SLC35F2: variants seen among roughly 807,000 people sequenced by gnomAD.
The protein encoded by SLC35F2 is solute carrier family 35 member F2.
Under a neutral mutation model 38.1 loss-of-function variants are expected in SLC35F2, and 25 were observed. That is an observed-to-expected ratio of 0.66 (90% CI 0.48 to 0.92). The LOEUF (loss-of-function observed/expected upper bound fraction) is 0.92. Among genes scored for constraint, SLC35F2 ranks in the 40% least tolerant of loss-of-function variants. SLC35F2 has a pLI of 0.00. For missense variants in SLC35F2, 409 were observed against 452.9 expected (o/e 0.90, Z 0.88); for synonymous variants, 173 against 181.7 (o/e 0.95, Z 0.38).
At chr11:107,847,171 T>C (rs2134854920) in intron 1 of SLC35F2, among the ~76,000 whole-genome samples, 1 of 152,232 alleles carries the variant, frequency 6.6e-6, no homozygotes, top group South Asian at 2.1e-4. Context: ...GCCTTCCAAG[T>C]AGCTAGGATT....
At chr11:107,807,666 G>A (rs528568336) in intron 3 of SLC35F2, among the ~76,000 whole-genome samples, 8 of 151,794 alleles carry the variant, frequency 5.3e-5, no homozygotes, top group South Asian at 4.1e-4. Flanking sequence ...TCTGCCTCTC[G>A]GGTTTAAGCA....
chr11:107,804,607 C>A lies in SLC35F2; in HGVS notation c.784+111G>T, dbSNP rs878944300. On this transcript the variant is annotated intron_variant, in intron 6 of 7. Coordinates refer to ENST00000525815, the MANE Select transcript of SLC35F2 (RefSeq NM_017515.5). Reference sequence around the variant, plus strand: ...ACTATAGTTGATATGTATTAAATCACTCCTGGATTTTACAAAGACGTCTAA... The same window carrying A: ...ACTATAGTTGATATGTATTAAATCAATCCTGGATTTTACAAAGACGTCTAA... 10 of 810,558 alleles carry A rather than the reference C, an allele frequency of 1.2e-5. No individual in the cohort carries two copies. In the South Asian group the frequency reaches 1.7e-4, roughly 14 times the overall value. 50.2% of individuals were successfully genotyped at this position (810,558 alleles called of 1,614,324 possible). A position where few individuals can be genotyped will look rare whatever the true frequency, so the allele number is the denominator to read the frequency against.
At chr11:107,858,347 TC>T (rs1330169725) in intron 1 of SLC35F2, among the ~76,000 whole-genome samples, 2 of 152,136 alleles carry the variant, frequency 1.3e-5, no homozygotes, top group East Asian at 3.9e-4. Flanking sequence ...GGGGACCTCG[TC>T]CCTCCACCGC....
intron 1 of SLC35F2, among the ~76,000 whole-genome samples, chr11:107,825,119 T>C (rs762272768): frequency 2.0e-4 from 30 of 152,236 alleles, no homozygotes; most frequent in Non-Finnish European, 3.7e-4. Context: ...GTTTGAAAAG[T>C]AGTTCTTGAG....
chr11:107,805,510 C>A lies in SLC35F2; in HGVS notation c.580G>T (p.Asp194Tyr), dbSNP rs1859376954. 1.2e-6 allele frequency: 2 copies of A among 1,611,708 alleles called. No homozygotes were observed. The highest frequency in any genetic ancestry group is 1.3e-5 in the African/African-American group (1 of 74,832). ...ACCAAGATGTCACCAATCAATACATCACTCCCTGCAGGAAGACAAGCCACA... is the reference window on the plus strand; with the variant it reads ...ACCAAGATGTCACCAATCAATACATAACTCCCTGCAGGAAGACAAGCCACA... The part of the protein sequence containing the change: ...LAGREDNSGS[D>Y]VLIGDILVLL... The change falls in exon 5 of 8, where the codon GAT (aspartate) becomes TAT (tyrosine). Residue 194 changes from aspartate (D) to tyrosine (Y), a missense_variant. Coordinates refer to ENST00000525815, the MANE Select transcript of SLC35F2 (RefSeq NM_017515.5).
At chr11:107,849,376 C>T (rs755484085) in intron 1 of SLC35F2, among the ~76,000 whole-genome samples, 2 of 152,172 alleles carry the variant, frequency 1.3e-5, no homozygotes, top group Non-Finnish European at 2.9e-5. Flanking sequence ...CGGTGGCTCA[C>T]GTCTGTAATC....
At chr11:107,812,218 T>C (rs1468746469) in intron 2 of SLC35F2, among the ~76,000 whole-genome samples, 1 of 152,158 alleles carries the variant, frequency 6.6e-6, no homozygotes, top group Non-Finnish European at 1.5e-5. Flanking sequence ...TGTGTATTTC[T>C]AATGTGGCCC....
intron 1 of SLC35F2, among the ~76,000 whole-genome samples, chr11:107,853,446 C>T (rs1041827497): frequency 2.0e-5 from 3 of 151,970 alleles, no homozygotes; most frequent in South Asian, 2.1e-4. Context: ...AGGCCGGGCG[C>T]GGTGGCTCAC....
chr11:107,798,063 G>T (rs1859249170), intron 7 of SLC35F2, among the ~76,000 whole-genome samples: 1 of 151,968 alleles, frequency 6.6e-6, no homozygotes, highest in Admixed American at 6.6e-5. Flanking sequence ...GAGTGCAGTG[G>T]TGCAGTCTCA....
intron 1 of SLC35F2, among the ~76,000 whole-genome samples, chr11:107,816,892 A>G (rs1017886475): frequency 2.0e-5 from 3 of 152,192 alleles, no homozygotes; most frequent in African/African-American, 7.2e-5. Flanking sequence ...TGGTGGCTGA[A>G]TGTGGGAACA....
At chr11:107,855,978 G>A (rs1396475010) in intron 1 of SLC35F2, among the ~76,000 whole-genome samples, 6 of 151,126 alleles carry the variant, frequency 4.0e-5, no homozygotes, top group Non-Finnish European at 7.4e-5. Context: ...GGTGGCAGGC[G>A]CCTGTAATCC....
At chr11:107,811,821 C>T in intron 2 of SLC35F2, 27 bp from the exon 3 acceptor site, 11 of 1,601,068 alleles carry the variant, frequency 6.9e-6, no homozygotes, top group Non-Finnish European at 9.4e-6. Context: ...TGGGTTAGTA[C>T]ATGTTACTTG....
intron 1 of SLC35F2, among the ~76,000 whole-genome samples, chr11:107,830,099 A>G (rs1413105792): frequency 6.6e-6 from 1 of 152,004 alleles, no homozygotes; most frequent in Admixed American, 6.6e-5. Context: ...TCATCTCTAT[A>G]AAAGTTAAAA....
chr11:107,803,252 T>C, intron 6 of SLC35F2, 97 bp from the exon 7 acceptor site: 1 of 1,405,682 alleles, frequency 7.1e-7, no homozygotes, highest in Non-Finnish European at 9.3e-7. Flanking sequence ...CCTAACCCTT[T>C]AACATATTAT....
At chr11:107,858,561 TGG>T in intron 1 of SLC35F2, 95 bp downstream of exon 1, 1 of 1,111,050 alleles carries the variant, frequency 9.0e-7, no homozygotes, top group Non-Finnish European at 1.2e-6. Context: ...GCCTCCCTGC[TGG>T]GGGCCTCAGA....
intron 1 of SLC35F2, among the ~76,000 whole-genome samples, chr11:107,822,760 G>A (rs1313071895): frequency 6.6e-6 from 1 of 152,080 alleles, no homozygotes; most frequent in Non-Finnish European, 1.5e-5. Flanking sequence ...AATAAAATGA[G>A]AAAGGGTTAA....
Position 107,820,572 on chromosome 11 carries a change from A to G in SLC35F2, c.111-4607T>C, listed in dbSNP as rs537529578. On this transcript the variant is annotated intron_variant, in intron 1 of 7. Transcript: ENST00000525815. ...CACAGTTGGTATCTTCCTACGTTCT[A>G]TATCTCTTTCTCCTTCCTGTCCTTC... Among the ~76,000 whole-genome samples, 10 of 152,090 alleles carry G rather than the reference A, an allele frequency of 6.6e-5. No individual in the cohort carries two copies. In the South Asian group the frequency reaches 1.5e-3, roughly 22 times the overall value.
intron 7 of SLC35F2, among the ~76,000 whole-genome samples, chr11:107,793,754 T>C (rs1859170867): frequency 6.6e-6 from 1 of 152,056 alleles, no homozygotes; most frequent in African/African-American, 2.4e-5. Flanking sequence ...GTGAGGACAA[T>C]CATAGGAAAC....
Position 107,810,203 on chromosome 11 carries a change from T to G in SLC35F2, c.414+1464A>C, listed in dbSNP as rs141272396. ...GTTAGATGCCTTTTTTATAATATAT[T>G]CTTTGCTAGGACCGTAAGTGCATGA... On this transcript the variant is annotated intron_variant, in intron 3 of 7. Transcript: ENST00000525815. 189 of 985,410 alleles carry G rather than the reference T, an allele frequency of 1.9e-4. No individual in the cohort carries two copies. In the African/African-American group the frequency reaches 3.1e-3, roughly 16 times the overall value. The allele number at this position is 985,410 out of a possible 1,614,324, so 61.0% of individuals were successfully genotyped here.
Sources: allele counts gnomAD v4.1 joint callset (sites outside exome capture counted in the v4.1 genomes callset), GRCh38; gene constraint gnomAD v4.1.1; transcripts MANE v1.5; gene names NCBI Gene and HGNC (gene_info 2026-07-23, HGNC 2026-07-21).